Variants in CNTNAP5 observed in about 807,000 individuals in gnomAD.
The protein encoded by CNTNAP5 is contactin associated protein family member 5.
Under a neutral mutation model 150.2 loss-of-function variants are expected in CNTNAP5, and 72 were observed. The observed-to-expected ratio is 0.48, with a 90% CI of 0.40 to 0.58. The LOEUF (loss-of-function observed/expected upper bound fraction) is 0.58, where lower values mean the gene tolerates loss of function less well. Ranked by LOEUF, CNTNAP5 falls within the 20% of genes least tolerant of loss-of-function variation. CNTNAP5 has a pLI of 0.00. For synonymous variants in CNTNAP5, 672 were observed against 619.8 expected, an observed-to-expected ratio of 1.08 and a Z score of -1.25; for missense variants, 1,636 against 1,626.2, an observed-to-expected ratio of 1.01 and a Z score of -0.10.
intron 2 of CNTNAP5, among the ~76,000 whole-genome samples, chr2:124,225,995 A>G (rs1686448195): frequency 6.6e-6 from 1 of 152,048 alleles, no homozygotes; most frequent in Admixed American, 6.6e-5. Flanking sequence ...AAATGCCACA[A>G]TTTTTTATCC....
rs1558964959 is a variant in CNTNAP5 at position 124,585,668 on chromosome 2, G to GTT, written c.1756+22345_1756+22346insTT. On this transcript the variant is annotated intron_variant, in intron 11 of 23. Transcript: ENST00000682447. ...GACAGTGAGTCAGGGAGAGCTTGAA[G>GTT]CTTTTTTTTTTTTTTTTTTTTTTTT... Among the ~76,000 whole-genome samples, 516 of 89,572 alleles carry GTT rather than the reference G, an allele frequency of 5.8e-3. 6 individuals carry two copies. Among genetic ancestry groups the GTT allele is most frequent in the African/African-American group, 0.021 (490 of 23,156 alleles). 58.8% of individuals were successfully genotyped at this position (89,572 alleles called of 152,430 possible).
intron 1 of CNTNAP5, among the ~76,000 whole-genome samples, chr2:124,150,052 A>G (rs1225183258): frequency 6.6e-6 from 1 of 152,200 alleles, no homozygotes; most frequent in African/African-American, 2.4e-5. Flanking sequence ...TGAAGTGGGA[A>G]AGCCCTTAAT....
chr2:124,176,348 T>C (rs1685063079), intron 1 of CNTNAP5, among the ~76,000 whole-genome samples: 1 of 152,134 alleles, frequency 6.6e-6, no homozygotes, highest in Non-Finnish European at 1.5e-5. Context: ...TGATGAAAGA[T>C]TGTCAAAGTA....
chr2:124,852,971 G>T (rs569391847), intron 19 of CNTNAP5, among the ~76,000 whole-genome samples: 1 of 152,288 alleles, frequency 6.6e-6, no homozygotes, highest in Non-Finnish European at 1.5e-5. Context: ...GGAGCTTTTT[G>T]GTGAGGACAA....
chr2:124,589,258 T>G (rs955397491), intron 11 of CNTNAP5, among the ~76,000 whole-genome samples: 1 of 152,166 alleles, frequency 6.6e-6, no homozygotes, highest in African/African-American at 2.4e-5. Context: ...CTTGTCTAAT[T>G]TGGACATTTA....
In CNTNAP5 at chr2:124,626,976, G is replaced by A. The variant is rs1187437675; in HGVS notation, c.1876+17056G>A. On this transcript the variant is annotated intron_variant, in intron 12 of 23. Transcript: ENST00000682447. ...TTCACCACAGTGCAGCAAAGGAGCTGTGGCAGATCATGGCTAGATGGCTTC... is the reference window on the plus strand; with the variant it reads ...TTCACCACAGTGCAGCAAAGGAGCTATGGCAGATCATGGCTAGATGGCTTC... 2.0e-5 allele frequency among the ~76,000 whole-genome samples: 3 copies of A among 152,300 alleles called. 1 individual carries two copies. Among genetic ancestry groups the A allele is most frequent in the Admixed American group, 1.3e-4 (2 of 15,312 alleles).
At chr2:124,751,794 A>G (rs193246657) in intron 14 of CNTNAP5, among the ~76,000 whole-genome samples, 270 of 152,344 alleles carry the variant, frequency 1.8e-3, no homozygotes, top group African/African-American at 6.3e-3. Context: ...GCGGTTGAAT[A>G]TGTTACAACT....
chr2:124,798,046 C>A, intron 18 of CNTNAP5, 50 bp from the exon 19 acceptor site: 1 of 1,414,804 alleles, frequency 7.1e-7, no homozygotes, highest in Non-Finnish European at 9.8e-7. Flanking sequence ...TTAGCTTGAA[C>A]AATGGATCTA....
chr2:124,884,112 A>G (rs1205245208), intron 21 of CNTNAP5, among the ~76,000 whole-genome samples: 3 of 152,036 alleles, frequency 2.0e-5, no homozygotes, highest in East Asian at 1.9e-4. Context: ...ACATGTGTGT[A>G]CCTATATGTG....
At chr2:124,311,013 C>T (rs1688815264) in intron 3 of CNTNAP5, among the ~76,000 whole-genome samples, 1 of 152,082 alleles carries the variant, frequency 6.6e-6, no homozygotes, top group African/African-American at 2.4e-5. Flanking sequence ...AGTATATATT[C>T]CTGGTAGTGA....
At chr2:124,881,824 C>T (rs1000108503) in intron 21 of CNTNAP5, among the ~76,000 whole-genome samples, 6 of 152,058 alleles carry the variant, frequency 3.9e-5, no homozygotes, top group African/African-American at 1.4e-4. Flanking sequence ...CTTATCACTC[C>T]CACTTTGAAA....
At chr2:124,096,327 A>G (rs1296701117) in intron 1 of CNTNAP5, among the ~76,000 whole-genome samples, 2 of 152,200 alleles carry the variant, frequency 1.3e-5, no homozygotes, top group Non-Finnish European at 2.9e-5. Flanking sequence ...GCCCTGCTGA[A>G]AGGATTATAG....
chr2:124,430,240 C>T (rs1221504628), intron 4 of CNTNAP5, among the ~76,000 whole-genome samples: 1 of 152,112 alleles, frequency 6.6e-6, no homozygotes, highest in Non-Finnish European at 1.5e-5. Flanking sequence ...GTGGGTGGGT[C>T]AGACAGGGTA....
intron 17 of CNTNAP5, among the ~76,000 whole-genome samples, chr2:124,787,046 A>G (rs1389585986): frequency 6.6e-6 from 1 of 152,052 alleles, no homozygotes; most frequent in African/African-American, 2.4e-5. Context: ...TCAAACCTTA[A>G]GGAGTGCATT....
intron 1 of CNTNAP5, among the ~76,000 whole-genome samples, chr2:124,150,977 C>T (rs180764263): frequency 6.6e-6 from 1 of 152,252 alleles, no homozygotes; most frequent in East Asian, 1.9e-4. Flanking sequence ...ACACCTACTA[C>T]ATATCTATGG....
At chr2:124,467,707 G>A (rs1220296154) in intron 6 of CNTNAP5, among the ~76,000 whole-genome samples, 1 of 152,008 alleles carries the variant, frequency 6.6e-6, no homozygotes, top group Non-Finnish European at 1.5e-5. Flanking sequence ...TAAATCTATA[G>A]TTCAATAGTC....
At chr2:124,401,650 C>T (rs1295963129) in intron 3 of CNTNAP5, among the ~76,000 whole-genome samples, 1 of 152,240 alleles carries the variant, frequency 6.6e-6, no homozygotes, top group Admixed American at 6.5e-5. Context: ...GTGCTTGTAA[C>T]TCTTGACTTT....
At chr2:124,745,610 T>C (rs563204760) in intron 13 of CNTNAP5, among the ~76,000 whole-genome samples, 1 of 152,338 alleles carries the variant, frequency 6.6e-6, no homozygotes, top group South Asian at 2.1e-4. Flanking sequence ...TACAGTTATT[T>C]GAAACTAAAG....
chr2:124,651,947 AG>A (rs1295710006), intron 13 of CNTNAP5, among the ~76,000 whole-genome samples: 1 of 152,162 alleles, frequency 6.6e-6, no homozygotes, highest in Non-Finnish European at 1.5e-5. Flanking sequence ...GGCTCCAGCA[AG>A]GGCTCTGGTT....
Sources: allele counts gnomAD v4.1 joint callset (sites outside exome capture counted in the v4.1 genomes callset), GRCh38; gene constraint gnomAD v4.1.1; transcripts MANE v1.5; gene names NCBI Gene and HGNC (gene_info 2026-07-23, HGNC 2026-07-21).